The following IGSF11 variants were observed in gnomAD, a reference collection of about 807,000 sequenced individuals.
IGSF11 encodes immunoglobulin superfamily member 11, also known as CXADR like 1.
IGSF11 carries 22 observed loss-of-function variants against 41.0 expected under a neutral mutation model. That is an observed-to-expected ratio of 0.54 (90% CI 0.38 to 0.77). The LOEUF is 0.77. Ranked by LOEUF, IGSF11 falls within the 30% of genes least tolerant of loss-of-function variation. IGSF11 has a pLI of 0.00. For missense variants in IGSF11, 444 were observed against 530.8 expected (o/e 0.84, Z 1.61); for synonymous variants, 219 against 201.3 (o/e 1.09, Z -0.74).
chr3:118,977,258 T>G (rs1281432037), intron 1 of IGSF11, among the ~76,000 whole-genome samples: 1 of 152,172 alleles, frequency 6.6e-6, no homozygotes, highest in Non-Finnish European at 1.5e-5. Context: ...TTGGTTTGCA[T>G]AAGTTTATTT....
At chr3:119,129,875 C>T (rs2107537821) in intron 1 of IGSF11, among the ~76,000 whole-genome samples, 1 of 152,146 alleles carries the variant, frequency 6.6e-6, no homozygotes, top group Middle Eastern at 3.4e-3. Context: ...GGCCCAGCTA[C>T]TCAGGGAGCT....
At chr3:119,075,380 G>A (rs555624933) in intron 1 of IGSF11, among the ~76,000 whole-genome samples, 6 of 152,042 alleles carry the variant, frequency 3.9e-5, no homozygotes, top group South Asian at 2.1e-4. Context: ...TATAATCACC[G>A]CTAAATTCCA....
intron 1 of IGSF11, among the ~76,000 whole-genome samples, chr3:118,986,719 A>G (rs9823180): frequency 6.6e-6 from 1 of 152,232 alleles, no homozygotes; most frequent in Admixed American, 6.5e-5. Flanking sequence ...CTAGCTGGAA[A>G]GGATGGGTTC....
chr3:119,129,827 AT>A (rs1480290819), intron 1 of IGSF11, among the ~76,000 whole-genome samples: 2 of 152,102 alleles, frequency 1.3e-5, no homozygotes, highest in Non-Finnish European at 2.9e-5. Flanking sequence ...TCTGAAAAGA[AT>A]TTAAAAATTA....
chr3:118,943,282 G>A (rs947395205), intron 1 of IGSF11: 1 of 152,124 alleles, frequency 6.6e-6, no homozygotes, highest in African/African-American at 2.4e-5. Flanking sequence ...AATTCAACTT[G>A]ACATTTTAAA....
chr3:119,118,351 G>C (rs2866467), intron 1 of IGSF11, among the ~76,000 whole-genome samples: 70,357 of 152,070 alleles, frequency 0.46, 16,387 homozygotes, highest in East Asian at 0.51. Context: ...CACTAACGGG[G>C]TCAACACCAC....
intron 1 of IGSF11, among the ~76,000 whole-genome samples, chr3:119,007,485 T>C (rs1186856478): frequency 3.3e-5 from 5 of 152,096 alleles, no homozygotes; most frequent in African/African-American, 1.2e-4. Flanking sequence ...TCTTGGCTCC[T>C]CCCCCAGATT....
intron 1 of IGSF11, among the ~76,000 whole-genome samples, chr3:119,030,001 G>A (rs913441295): frequency 6.6e-6 from 1 of 152,106 alleles, no homozygotes; most frequent in Non-Finnish European, 1.5e-5. Context: ...TGCTAACGTT[G>A]ACCTAATTCT....
chr3:119,100,573 A>G lies in IGSF11; in HGVS notation c.49+4571T>C, dbSNP rs12495329. Among the ~76,000 whole-genome samples the G allele has an allele frequency of 0.015, 2,276 of 152,340 alleles. 88 individuals carry two copies. The East Asian group carries it at 0.16, about 11-fold the overall frequency. On this transcript the variant is annotated intron_variant, in intron 1 of 6. Coordinates refer to the IGSF11 transcript ENST00000354673. ...TCACTGCTTAGAAATGTTTTAGTTT[A>G]TTATCATTTAAATAAGGAGTAGGGA...
At chr3:119,139,892 T>C (rs908017282) in intron 1 of IGSF11, among the ~76,000 whole-genome samples, 1 of 152,202 alleles carries the variant, frequency 6.6e-6, no homozygotes, top group South Asian at 2.1e-4. Flanking sequence ...CATAGTATAC[T>C]GGAGCAAAGT....
At chr3:119,078,020 T>C (rs937166515) in intron 1 of IGSF11, among the ~76,000 whole-genome samples, 2 of 152,282 alleles carry the variant, frequency 1.3e-5, no homozygotes, top group East Asian at 1.9e-4. Flanking sequence ...AAATCAGCAA[T>C]GGCACAAACC....
At chr3:119,133,432 C>G (rs2077512514) in intron 1 of IGSF11, among the ~76,000 whole-genome samples, 1 of 152,154 alleles carries the variant, frequency 6.6e-6, no homozygotes. Flanking sequence ...TCAGAGAATA[C>G]TATAAACACC....
intron 1 of IGSF11, among the ~76,000 whole-genome samples, chr3:118,945,296 G>A (rs932550693): frequency 8.6e-5 from 13 of 151,990 alleles, no homozygotes; most frequent in African/African-American, 3.1e-4. Context: ...GAAAATTGTG[G>A]TCATACTCTT....
chr3:119,046,756 G>T (rs1941372779), intron 1 of IGSF11, among the ~76,000 whole-genome samples: 1 of 152,044 alleles, frequency 6.6e-6, no homozygotes, highest in Non-Finnish European at 1.5e-5. Context: ...GAAAGGTCTG[G>T]TTACCCTCAA....
At chr3:119,096,441 T>A (rs1470547015) in intron 1 of IGSF11, among the ~76,000 whole-genome samples, 2 of 151,898 alleles carry the variant, frequency 1.3e-5, no homozygotes, top group African/African-American at 4.8e-5. Flanking sequence ...TAAAATGAAA[T>A]GCAATCTATA....
At chr3:118,917,251 T>G (rs1427809484) in intron 4 of IGSF11, among the ~76,000 whole-genome samples, 2 of 145,890 alleles carry the variant, frequency 1.4e-5, no homozygotes, top group Admixed American at 1.4e-4. Flanking sequence ...AAGAAATAAC[T>G]AAAATCAGAG....
intron 3 of IGSF11, among the ~76,000 whole-genome samples, chr3:118,927,174 G>T (rs1031764201): frequency 3.3e-5 from 5 of 152,096 alleles, no homozygotes; most frequent in Admixed American, 6.6e-5. Flanking sequence ...TAACTACTGC[G>T]GTGGGGCAAA....
In IGSF11 at chr3:119,098,331, C is replaced by G. The variant is rs1345733672; in HGVS notation, c.49+6813G>C. The stretch of plus-strand genomic sequence containing the variant: ...TGAATAATAAGTGATATAGTGGAAG[C>G]AAAACACTTAGAGCAGTGCCTAACA... On this transcript the variant is annotated intron_variant, in intron 1 of 6. Coordinates refer to the IGSF11 transcript ENST00000354673. Among the ~76,000 whole-genome samples the G allele has an allele frequency of 2.6e-5, 4 of 152,214 alleles. No homozygotes were observed. In the East Asian group the frequency reaches 5.8e-4, roughly 22 times the overall value.
At chr3:119,081,907 G>A (rs1036367191) in intron 1 of IGSF11, among the ~76,000 whole-genome samples, 1 of 152,162 alleles carries the variant, frequency 6.6e-6, no homozygotes, top group Admixed American at 6.5e-5. Flanking sequence ...GCCAAGGTAA[G>A]CACTGAGAAT....
Sources: gnomAD v4.1 joint callset for allele counts (sites outside exome capture counted in the v4.1 genomes callset) on GRCh38, gnomAD v4.1.1 for gene constraint, MANE v1.5 for transcripts, NCBI Gene and HGNC (gene_info 2026-07-23, HGNC 2026-07-21) for gene names.